The following MARCHF10 variants were observed in gnomAD, a reference collection of about 807,000 sequenced individuals.
MARCHF10 encodes probable E3 ubiquitin-protein ligase MARCHF10.
MARCHF10 carries 64 observed loss-of-function variants against 76.2 expected under a neutral mutation model. The observed-to-expected ratio is 0.84, with a 90% CI of 0.69 to 1.03. The LOEUF (loss-of-function observed/expected upper bound fraction) is 1.03, where lower values mean the gene tolerates loss of function less well. Ranked by LOEUF, MARCHF10 falls within the 50% of genes least tolerant of loss-of-function variation. The pLI is 0.00. For missense variants in MARCHF10, 875 were observed against 958.0 expected (o/e 0.91, Z 1.14); for synonymous variants, 340 against 357.5 (o/e 0.95, Z 0.55).
intron 6 of MARCHF10, among the ~76,000 whole-genome samples, chr17:62,726,913 A>C (rs1339718507): frequency 6.6e-6 from 1 of 152,108 alleles, no homozygotes; most frequent in East Asian, 1.9e-4. Flanking sequence ...TACAGGTGTG[A>C]GCCACCACAC....
chr17:62,751,352 G>T (rs990955058), intron 4 of MARCHF10, among the ~76,000 whole-genome samples: 2 of 152,156 alleles, frequency 1.3e-5, no homozygotes, highest in African/African-American at 4.8e-5. Flanking sequence ...GTGGTTCACA[G>T]ACCAGCCACA....
intron 3 of MARCHF10, among the ~76,000 whole-genome samples, chr17:62,777,967 G>A (rs1290898102): frequency 2.0e-5 from 3 of 152,128 alleles, no homozygotes; most frequent in Non-Finnish European, 2.9e-5. Flanking sequence ...CACCTGCCCT[G>A]CATCACAACT....
chr17:62,736,771 C>T lies in MARCHF10; in HGVS notation c.1097G>A (p.Arg366Gln), dbSNP rs1311360206. The change falls in exon 6 of 11, where the codon CGG becomes CAG. Residue 366 changes from arginine to glutamine, a missense_variant. Coordinates refer to ENST00000311269, the MANE Select transcript of MARCHF10 (RefSeq NM_152598.4). Reference sequence around the variant, plus strand: ...GGACAACCTTTGCCCAGCAGAAGGCCGCTCTGTTGCTGGCTCCATTGCATT... The same window carrying T: ...GGACAACCTTTGCCCAGCAGAAGGCTGCTCTGTTGCTGGCTCCATTGCATT... ...ISNAMEPATE[R>Q]PSAGQRLSQD... The T allele has an allele frequency of 3.7e-6, 6 of 1,614,024 alleles. No individual in the cohort carries two copies. The highest frequency in any genetic ancestry group is 2.7e-5 in the African/African-American group (2 of 74,900).
intron 2 of MARCHF10, among the ~76,000 whole-genome samples, chr17:62,796,062 T>C (rs536404514): frequency 6.3e-4 from 96 of 152,038 alleles, no homozygotes; most frequent in African/African-American, 2.3e-3. Flanking sequence ...TGGAGTGCAG[T>C]GGCGTCATCT....
At position 62,736,370 on chromosome 17, in the gene MARCHF10, C is replaced by T. The variant is rs2091263529; in HGVS notation, c.1498G>A (p.Asp500Asn). 6.2e-7 allele frequency: 1 copy of T among 1,614,174 alleles called. No individual in the cohort carries two copies. The highest frequency in any genetic ancestry group is 1.3e-5 in the African/African-American group (1 of 75,032). The change falls in exon 6 of 11, where the codon GAC becomes AAC. Residue 500 changes from aspartate (D) to asparagine (N), a missense_variant. Coordinates refer to ENST00000311269, the MANE Select transcript of MARCHF10 (RefSeq NM_152598.4). ...TGAAACCCTGAGTTTCCCTCTGAGT[C>T]TGAGCTGTGAACTGAAGTCGATGAC... Reference protein sequence around the residue: ...SMSSTSVHSSDSEGNSGFHVC... With the variant: ...SMSSTSVHSSNSEGNSGFHVC...
At chr17:62,735,891 G>C (rs2091240577) in intron 6 of MARCHF10, 40 bp downstream of exon 6, 1 of 1,563,722 alleles carries the variant, frequency 6.4e-7, no homozygotes, top group Non-Finnish European at 8.6e-7. Context: ...TTTTGGCCTT[G>C]GGAAAGTGGA....
rs79431998 is a variant in MARCHF10, at chr17:62,718,204, G to T, written c.2214+4284C>A. On this transcript the variant is annotated intron_variant, in intron 8 of 10. Transcript: ENST00000311269. ...ACAGATAAGAGAACTGAGGTGCAGA[G>T]AATTGCCATAGTCTCCTCAAGGTCA... 6.4e-3 allele frequency among the ~76,000 whole-genome samples: 982 copies of T among 152,306 alleles called. 5 individuals are homozygous for T. The highest frequency in any genetic ancestry group is 0.014 in the Middle Eastern group (4 of 294).
At position 62,788,614 on chromosome 17, in the gene MARCHF10, C is replaced by T. The variant is rs1380960166; in HGVS notation, c.91-15G>A. On this transcript the variant is annotated splice_polypyrimidine_tract_variant and intron_variant, in intron 2 of 10. Coordinates refer to ENST00000311269, the MANE Select transcript of MARCHF10 (RefSeq NM_152598.4). ...CTCAGACAAGCCTGAAGAACAACAACAATAAAATGTTTGTCTTAGGACCAT... is the reference window on the plus strand; with the variant it reads ...CTCAGACAAGCCTGAAGAACAACAATAATAAAATGTTTGTCTTAGGACCAT... 6 of 1,613,626 alleles carry T rather than the reference C, an allele frequency of 3.7e-6. No individual in the cohort carries two copies. The highest frequency in any genetic ancestry group is 5.1e-6 in the Non-Finnish European group (6 of 1,179,948).
intron 5 of MARCHF10, 137 bp from the exon 6 acceptor site, chr17:62,737,469 T>C: frequency 1.3e-6 from 1 of 797,580 alleles, no homozygotes; most frequent in Non-Finnish European, 2.0e-6. Flanking sequence ...TCAAAATGGC[T>C]GGAGGTACAA....
chr17:62,729,026 C>A (rs914925844), intron 6 of MARCHF10, among the ~76,000 whole-genome samples: 2 of 152,142 alleles, frequency 1.3e-5, no homozygotes, highest in African/African-American at 4.8e-5. Context: ...GCCTCTGCCA[C>A]CTCCTGGGCT....
At chr17:62,803,952 A>C (rs960818863) in intron 1 of MARCHF10, among the ~76,000 whole-genome samples, 8 of 152,188 alleles carry the variant, frequency 5.3e-5, no homozygotes, top group African/African-American at 1.7e-4. Flanking sequence ...GAAACTGAGG[A>C]CCAAAGGGAT....
intron 1 of MARCHF10, chr17:62,805,150 G>C (rs1156437186): frequency 6.6e-6 from 1 of 152,160 alleles, no homozygotes; most frequent in Non-Finnish European, 1.5e-5. Context: ...ACAATCCAAT[G>C]TGTATTTCCA....
rs959513660 is a variant in MARCHF10, at chr17:62,712,616, C to T, written c.2215-1272G>A. Among the ~76,000 whole-genome samples the T allele has an allele frequency of 7.9e-5, 12 of 152,198 alleles. No homozygotes were observed. The highest frequency in any genetic ancestry group is 2.2e-4 in the African/African-American group (9 of 41,458). On this transcript the variant is annotated intron_variant, in intron 8 of 10. Transcript: ENST00000311269. This position sits in a 1 kb window ranked among gnomAD's most constrained non-coding sequence, Gnocchi z 4.2. ...CTCCACCATTCTACAGATCCATCTT[C>T]GAAGGCCCCAGTCCTCTGTCCTTAG...
Position 62,737,348 on chromosome 17 carries a change from A to C in MARCHF10, c.536-16T>G. 1 of 1,597,168 alleles carries C rather than the reference A, an allele frequency of 6.3e-7. No homozygotes were observed. Among genetic ancestry groups the C allele is most frequent in the Middle Eastern group, 1.8e-4 (1 of 5,664 alleles). ...ACTACTTGATCTGCATTGAGAAAAG[A>C]CACATTTATCGTTCCAGTAAAAGGG... is the stretch of plus-strand genomic sequence containing the variant. On this transcript the variant is annotated splice_polypyrimidine_tract_variant and intron_variant, in intron 5 of 10. Coordinates refer to ENST00000311269, the MANE Select transcript of MARCHF10 (RefSeq NM_152598.4).
intron 5 of MARCHF10, among the ~76,000 whole-genome samples, chr17:62,742,835 T>C (rs2091564986): frequency 6.6e-6 from 1 of 152,064 alleles, no homozygotes; most frequent in Admixed American, 6.6e-5. Context: ...GGTTTCACCA[T>C]GTTGGCCAGG....
At chr17:62,794,564 G>A (rs1598063183) in intron 2 of MARCHF10, among the ~76,000 whole-genome samples, 1 of 152,170 alleles carries the variant, frequency 6.6e-6, no homozygotes. Context: ...CAATGAAGCC[G>A]CTTCTCTTCG....
chr17:62,789,994 T>A (rs573191967), intron 2 of MARCHF10, among the ~76,000 whole-genome samples: 1 of 152,084 alleles, frequency 6.6e-6, no homozygotes, highest in East Asian at 1.9e-4. Flanking sequence ...AAAATATCAA[T>A]CCCTAAGTGC....
At position 62,759,876 on chromosome 17, in the gene MARCHF10, A is replaced by T; in HGVS notation, c.341T>A (p.Val114Glu). The change falls in exon 4 of 11, where the codon GTA (valine) becomes GAA (glutamate). Residue 114 changes from valine (V) to glutamate (E), a missense_variant. Physicochemically the swap from Val to Glu is moderately radical, Grantham distance 121 (BLOSUM62 -2). Transcript: ENST00000311269. ...GGGGTCCACTTTCTCTGCTTTCCTTACAGTCATGGTACTTTTATGTTTCTG... is the reference window on the plus strand; with the variant it reads ...GGGGTCCACTTTCTCTGCTTTCCTTTCAGTCATGGTACTTTTATGTTTCTG... The part of the protein sequence containing the change: ...VKQKHKSTMT[V>E]RKAEKVDPSE... 1 of 1,613,932 alleles carries T rather than the reference A, an allele frequency of 6.2e-7. No homozygotes were observed. Among genetic ancestry groups the T allele is most frequent in the Non-Finnish European group, 8.5e-7 (1 of 1,180,002 alleles).
At chr17:62,718,608 C>G (rs1267052054) in intron 8 of MARCHF10, among the ~76,000 whole-genome samples, 1 of 152,202 alleles carries the variant, frequency 6.6e-6, no homozygotes, top group Non-Finnish European at 1.5e-5. Flanking sequence ...CCAAAATGAT[C>G]TATTTCTTGA....
Sources: gnomAD v4.1 joint callset for allele counts (sites outside exome capture counted in the v4.1 genomes callset) on GRCh38, gnomAD v4.1.1 for gene constraint, Gnocchi (gnomAD v3.1) non-coding constraint, MANE v1.5 for transcripts, NCBI Gene and HGNC (gene_info 2026-07-23, HGNC 2026-07-21) for gene names.